Variants in DNAJB11 observed in about 807,000 individuals in gnomAD.
The protein encoded by DNAJB11 is DnaJ heat shock protein family (Hsp40) member B11.
In DNAJB11, 30 loss-of-function variants were observed where a neutral mutation model predicts 47.2. That is an observed-to-expected ratio of 0.64 (90% confidence interval 0.48 to 0.86). The LOEUF (loss-of-function observed/expected upper bound fraction) is 0.86. Ranked by LOEUF, DNAJB11 falls within the 40% of genes least tolerant of loss-of-function variation. DNAJB11 has a pLI of 0.00. For missense variants in DNAJB11, 357 were observed against 440.2 expected (o/e 0.81, Z 1.69); for synonymous variants, 151 against 159.9 (o/e 0.94, Z 0.42).
intron 1 of DNAJB11, 104 bp downstream of exon 1, chr3:186,571,069 G>C: frequency 9.2e-7 from 1 of 1,091,462 alleles, no homozygotes; most frequent in Non-Finnish European, 1.3e-6. Flanking sequence ...GGAGTGGAGA[G>C]GGGCATCGCT....
intron 2 of DNAJB11, among the ~76,000 whole-genome samples, chr3:186,575,367 G>A (rs865774394): frequency 1.4e-4 from 14 of 101,716 alleles, no homozygotes; most frequent in African/African-American, 2.7e-4. Flanking sequence ...GCGCGCGCGC[G>A]CGTGTGTGTG....
intron 1 of DNAJB11, 57 bp from the exon 2 acceptor site, chr3:186,572,038 T>C (rs1241628552): frequency 1.5e-5 from 22 of 1,432,722 alleles, no homozygotes; most frequent in Admixed American, 4.9e-5. Flanking sequence ...AATCTTTTAC[T>C]TTGAAAAATG....
chr3:186,574,458 C>T (rs1168053757), intron 2 of DNAJB11, among the ~76,000 whole-genome samples: 1 of 151,314 alleles, frequency 6.6e-6, no homozygotes, highest in Non-Finnish European at 1.5e-5. Flanking sequence ...TATTGGAGAT[C>T]CAGTTAATAA....
At chr3:186,582,885 C>T (rs567284432) in intron 7 of DNAJB11, 112 bp downstream of exon 7, 18 of 800,462 alleles carry the variant, frequency 2.2e-5, no homozygotes, top group East Asian at 1.3e-4. Context: ...TTACCCTAAA[C>T]GATGATTTGT....
Position 186,570,943 on chromosome 3 carries a change from C to G in DNAJB11, c.46C>G (p.Leu16Val). ...LSTFCLLLLY[L>V]IGAVIAGRDF... ...CACCTTTTGCCTGTTGCTGCTATAC[C>G]TCATCGGGGCGGTGATTGCCGGGTG... Residue 16 changes from leucine to valine, a missense_variant, in exon 1 of 10, where the codon CTC (leucine) becomes GTC (valine). Physicochemically the swap from Leu to Val is conservative, Grantham distance 32. Coordinates refer to ENST00000265028, the MANE Select transcript of DNAJB11 (RefSeq NM_016306.6). The G allele has an allele frequency of 6.3e-7, 1 of 1,598,794 alleles. No individual in the cohort carries two copies. The highest frequency in any genetic ancestry group is 2.3e-5 in the East Asian group (1 of 43,308).
At chr3:186,583,693 A>G (rs1319760414) in intron 7 of DNAJB11, among the ~76,000 whole-genome samples, 172 bp from the exon 8 acceptor site, 2 of 152,212 alleles carry the variant, frequency 1.3e-5, no homozygotes, top group Non-Finnish European at 2.9e-5. Flanking sequence ...TAACAGTAGC[A>G]TTTAATAAGA....
intron 6 of DNAJB11, among the ~76,000 whole-genome samples, 159 bp downstream of exon 6, chr3:186,582,236 C>T (rs1315854998): frequency 6.6e-6 from 1 of 152,106 alleles, no homozygotes; most frequent in East Asian, 1.9e-4. Flanking sequence ...TATACAAAGC[C>T]TTTTGTTTAC....
Position 186,581,996 on chromosome 3 carries a change from C to G in DNAJB11, c.601C>G (p.Leu201Val). The G allele has an allele frequency of 6.2e-7, 1 of 1,611,794 alleles. No homozygotes were observed. Among genetic ancestry groups the G allele is most frequent in the Non-Finnish European group, 8.5e-7 (1 of 1,178,182 alleles). The change falls in exon 6 of 10, where the codon CTA becomes GTA. Residue 201 changes from leucine to valine, a missense_variant and splice_region_variant. Coordinates refer to ENST00000265028, the MANE Select transcript of DNAJB11 (RefSeq NM_016306.6). The stretch of plus-strand genomic sequence containing the variant: ...CTCTTTTAATTCTCTTTACCTCAGA[C>G]TAGTGAATGAAGAACGAACGCTGGA... ...VVCDECPNVK[L>V]VNEERTLEVE...
intron 2 of DNAJB11, among the ~76,000 whole-genome samples, chr3:186,572,684 A>T (rs1419319240): frequency 2.0e-5 from 3 of 152,240 alleles, no homozygotes; most frequent in Admixed American, 6.5e-5. Flanking sequence ...GTTCATATGA[A>T]CTAGACAAAT....
intron 1 of DNAJB11, 33 bp downstream of exon 1, chr3:186,570,998 T>C (rs2108471617): frequency 1.3e-6 from 1 of 781,744 alleles, no homozygotes; most frequent in Non-Finnish European, 1.9e-6. Context: ...CAACGGGGCC[T>C]GTGGGTCAGC....
rs1252053669 is a variant in DNAJB11 at position 186,584,459 on chromosome 3, G to A, written c.882G>A (p.Arg294=). The part of the protein sequence containing the change: ...KVHISRDKIT[R]PGAKLWKKGE... The stretch of plus-strand genomic sequence containing the variant: ...ATATTTCCCGGGATAAGATCACCAG[G>A]CCAGGAGCGAAGCTATGGAAGAAAG... The change falls in exon 9 of 10, where the codon AGG becomes AGA. Residue 294 remains arginine, a synonymous_variant. Transcript: ENST00000265028. The A allele has an allele frequency of 1.3e-6, 2 of 1,581,428 alleles. No individual in the cohort carries two copies. The highest frequency in any genetic ancestry group is 1.7e-6 in the Non-Finnish European group (2 of 1,169,054).
chr3:186,577,008 G>C (rs1715323307), intron 3 of DNAJB11, among the ~76,000 whole-genome samples: 1 of 152,120 alleles, frequency 6.6e-6, no homozygotes, highest in African/African-American at 2.4e-5. Flanking sequence ...TAGGATTGAA[G>C]GTCACCTTTT....
In DNAJB11 at chr3:186,577,774, G is replaced by T. The variant is rs1273228187; in HGVS notation, c.430G>T (p.Glu144Ter). ...TGTAGATCTAGAAGTCACTTTGGAA[G>T]AAGTATATGCAGGAAATTTTGTGGA... ...IIVDLEVTLE[E>*]VYAGNFVEVV... The change falls in exon 4 of 10, where the codon GAA (glutamate) becomes TAA (stop). Residue 144 changes from glutamate (E) to a stop codon, truncating the protein, a stop_gained. Transcript: ENST00000265028. LOFTEE classifies it high-confidence loss of function. The T allele has an allele frequency of 2.5e-6, 4 of 1,605,786 alleles. No homozygotes were observed. The highest frequency in any genetic ancestry group is 3.4e-6 in the Non-Finnish European group (4 of 1,176,976).
rs1212021489 is a variant in DNAJB11, at chr3:186,581,502, C to T, written c.588C>T (p.Cys196=). 5 of 1,611,184 alleles carry T rather than the reference C, an allele frequency of 3.1e-6. No homozygotes were observed. Among genetic ancestry groups the T allele is most frequent in the Admixed American group, 1.7e-5 (1 of 59,194 alleles). The change falls in exon 5 of 10, where the codon TGC becomes TGT. Residue 196 remains cysteine, a synonymous_variant. Transcript: ENST00000265028. ...CCCAGGAGGTGGTCTGCGACGAATG[C>T]CCTAATGTCAAGTAAGTGAAAGCAC... ...QMTQEVVCDE[C]PNVKLVNEER...
chr3:186,574,398 G>T (rs1264562184), intron 2 of DNAJB11, among the ~76,000 whole-genome samples: 1 of 151,556 alleles, frequency 6.6e-6, no homozygotes, highest in Non-Finnish European at 1.5e-5. Flanking sequence ...CAAATGCAGG[G>T]TTCATTTATT....
In DNAJB11 at chr3:186,584,508, A is replaced by G; in HGVS notation, c.931A>G (p.Asn311Asp). 6.2e-7 allele frequency: 1 copy of G among 1,602,920 alleles called. No homozygotes were observed. The highest frequency in any genetic ancestry group is 1.1e-5 in the South Asian group (1 of 88,940). ...KKGEGLPNFD[N>D]NNIKGSLIIT... is the part of the protein sequence containing the mutation. ...AGGGGAAGGGCTCCCCAACTTTGAC[A>G]ACAACAATATCAAGGGCTCTTTGAT... Residue 311 changes from asparagine (N) to aspartate (D), a missense_variant, in exon 9 of 10, where the codon AAC becomes GAC. Physicochemically the swap from Asn to Asp is conservative, Grantham distance 23. Coordinates refer to ENST00000265028, the MANE Select transcript of DNAJB11 (RefSeq NM_016306.6).
At chr3:186,580,916 TA>T (rs1200036818) in intron 4 of DNAJB11, 1 of 152,828 alleles carries the variant, frequency 6.5e-6, no homozygotes, top group African/African-American at 2.4e-5. Flanking sequence ...TTTCCTGAAA[TA>T]AGGAGACATT....
chr3:186,580,703 T>C (rs1197935477), intron 4 of DNAJB11: 1 of 152,282 alleles, frequency 6.6e-6, no homozygotes, highest in African/African-American at 2.4e-5. Flanking sequence ...TTCTGCTGCG[T>C]GAGCACATAC....
Position 186,570,927 on chromosome 3 carries a change from C to T in DNAJB11, c.30C>T (p.Cys10=). MAPQNLSTF[C]LLLLYLIGAV... is the part of the protein sequence containing the mutation. ...CTCCGCAGAACCTGAGCACCTTTTG[C>T]CTGTTGCTGCTATACCTCATCGGGG... The change falls in exon 1 of 10, where the codon TGC becomes TGT. Residue 10 remains cysteine (C), a synonymous_variant. Coordinates refer to ENST00000265028, the MANE Select transcript of DNAJB11 (RefSeq NM_016306.6). 6.2e-7 allele frequency: 1 copy of T among 1,603,102 alleles called. No homozygotes were observed. The highest frequency in any genetic ancestry group is 8.5e-7 in the Non-Finnish European group (1 of 1,174,944).
Sources: gnomAD v4.1 joint callset for allele counts (sites outside exome capture counted in the v4.1 genomes callset) on GRCh38, gnomAD v4.1.1 for gene constraint, MANE v1.5 for transcripts, NCBI Gene and HGNC (gene_info 2026-07-23, HGNC 2026-07-21) for gene names.